The following KIRREL3 variants were observed in gnomAD, a reference collection of about 807,000 sequenced individuals.
KIRREL3 encodes kirre like nephrin family adhesion molecule 3, also known as kin of IRRE-like protein 3.
Under a neutral mutation model 89.7 loss-of-function variants are expected in KIRREL3, and 36 were observed. That is an observed-to-expected ratio of 0.40 (90% CI 0.31 to 0.53). The LOEUF (loss-of-function observed/expected upper bound fraction) is 0.53, where lower values mean the gene tolerates loss of function less well. Among genes scored for constraint, KIRREL3 ranks in the 20% least tolerant of loss-of-function variants. The probability of loss-of-function intolerance (pLI) is 0.49; values close to 1 mark genes in which losing one functional copy is unlikely to be tolerated. For missense variants in KIRREL3, 864 were observed against 1,056.6 expected, an observed-to-expected ratio of 0.82 and a Z score of 2.53; for synonymous variants, 445 against 441.4, an observed-to-expected ratio of 1.01 and a Z score of -0.10.
At chr11:126,505,325 T>G (rs1003463554) in intron 4 of KIRREL3, among the ~76,000 whole-genome samples, 2 of 152,228 alleles carry the variant, frequency 1.3e-5, no homozygotes, top group Non-Finnish European at 2.9e-5. Flanking sequence ...ATTCCAGCAC[T>G]CTGGGAGGCT....
rs972830766 is a variant in KIRREL3 at position 126,521,907 on chromosome 11, C to G, written c.284-443G>C. ...CTACAGACATGCACCACCACGTCGGCTAATTTTTTTATCTTTTGTAGAGAT... is the reference window on the plus strand; with the variant it reads ...CTACAGACATGCACCACCACGTCGGGTAATTTTTTTATCTTTTGTAGAGAT... On this transcript the variant is annotated intron_variant, in intron 3 of 16. Coordinates refer to ENST00000525144, the MANE Select transcript of KIRREL3 (RefSeq NM_032531.4). The surrounding 1 kb of genome is among the most constrained non-coding windows in gnomAD (Gnocchi z 4.1). 2.6e-5 allele frequency among the ~76,000 whole-genome samples: 4 copies of G among 152,048 alleles called. No homozygotes were observed. The highest frequency in any genetic ancestry group is 9.7e-5 in the African/African-American group (4 of 41,398).
chr11:126,881,469 C>G (rs552813224), intron 1 of KIRREL3, among the ~76,000 whole-genome samples: 1 of 152,324 alleles, frequency 6.6e-6, no homozygotes, highest in Admixed American at 6.5e-5. Context: ...TGGTCACCAA[C>G]ATAGGAAGTC....
At chr11:126,661,019 G>C (rs903119302) in intron 1 of KIRREL3, among the ~76,000 whole-genome samples, 11 of 152,158 alleles carry the variant, frequency 7.2e-5, no homozygotes, top group African/African-American at 2.7e-4. Flanking sequence ...AGAAACCACT[G>C]ATGTTTATGT....
At chr11:126,472,703 G>GGA (rs56276959) in intron 5 of KIRREL3, among the ~76,000 whole-genome samples, 1,413 of 134,164 alleles carry the variant, frequency 0.011, 18 homozygotes, top group East Asian at 0.019. Context: ...AGGACATAGA[G>GGA]GAGAGAGAGA....
rs1188570853 is a variant in KIRREL3 at position 126,917,995 on chromosome 11, C to T, written c.55+82460G>A. On this transcript the variant is annotated intron_variant, in intron 1 of 16. Transcript: ENST00000525144. The surrounding 1 kb of genome is among the most constrained non-coding windows in gnomAD (Gnocchi z 5.0). ...GACTCATCTCTCCAAGCTGGGTTTC[C>T]ATAAGACTCCACACTGATCTCTGGC... 6.6e-6 allele frequency among the ~76,000 whole-genome samples: 1 copy of T among 152,120 alleles called. No individual in the cohort carries two copies. Among genetic ancestry groups the T allele is most frequent in the Non-Finnish European group, 1.5e-5 (1 of 68,024 alleles).
intron 1 of KIRREL3, among the ~76,000 whole-genome samples, chr11:126,631,230 A>G (rs1253425384): frequency 1.3e-5 from 2 of 152,098 alleles, no homozygotes; most frequent in Admixed American, 6.5e-5. Context: ...ATTCTCACAG[A>G]TCTCTAGCAG....
Position 126,516,485 on chromosome 11 carries a change from C to T in KIRREL3, c.433+4830G>A, listed in dbSNP as rs948233122. Among the ~76,000 whole-genome samples, 5 of 152,154 alleles carry T rather than the reference C, an allele frequency of 3.3e-5. No individual in the cohort carries two copies. Among genetic ancestry groups the T allele is most frequent in the Admixed American group, 1.3e-4 (2 of 15,270 alleles). ...TTTAATCCGTGCATCACTTATCGACCGCCTTCTCTCTGCCAGAATGCAAGC... is the reference window on the plus strand; with the variant it reads ...TTTAATCCGTGCATCACTTATCGACTGCCTTCTCTCTGCCAGAATGCAAGC... On this transcript the variant is annotated intron_variant, in intron 4 of 16. Coordinates refer to ENST00000525144, the MANE Select transcript of KIRREL3 (RefSeq NM_032531.4). The surrounding 1 kb of genome is among the most constrained non-coding windows in gnomAD (Gnocchi z 4.9).
chr11:126,798,098 G>C (rs768859990), intron 1 of KIRREL3, among the ~76,000 whole-genome samples: 1 of 152,144 alleles, frequency 6.6e-6, no homozygotes, highest in Non-Finnish European at 1.5e-5. Flanking sequence ...GCCAGGTGGA[G>C]AGGAAAGATG....
chr11:126,538,608 C>CA (rs112800610), intron 2 of KIRREL3, among the ~76,000 whole-genome samples: 10,697 of 152,162 alleles, frequency 0.07, 1,153 homozygotes, highest in African/African-American at 0.23. Flanking sequence ...GTGACCTGCT[C>CA]GGGGAACAGG....
intron 1 of KIRREL3, among the ~76,000 whole-genome samples, chr11:126,971,421 A>C (rs1316108936): frequency 6.6e-6 from 1 of 152,172 alleles, no homozygotes; most frequent in African/African-American, 2.4e-5. Context: ...GAGTTGTAGA[A>C]ACCACTGGGA....
chr11:126,482,200 G>A (rs576203444), intron 4 of KIRREL3, among the ~76,000 whole-genome samples: 1 of 152,102 alleles, frequency 6.6e-6, no homozygotes, highest in African/African-American at 2.4e-5. Context: ...CATCATGCCT[G>A]GCTAATTTTT....
chr11:126,735,691 T>C (rs1488974990), intron 1 of KIRREL3, among the ~76,000 whole-genome samples: 3 of 152,236 alleles, frequency 2.0e-5, no homozygotes, highest in Non-Finnish European at 4.4e-5. Flanking sequence ...ATTATTTCCT[T>C]GTCTCTTTCT....
Position 126,795,193 on chromosome 11 carries a change from A to G in KIRREL3, c.55+205262T>C, listed in dbSNP as rs1004960219. 6.6e-5 allele frequency among the ~76,000 whole-genome samples: 10 copies of G among 152,298 alleles called. No individual in the cohort carries two copies. Among genetic ancestry groups the G allele is most frequent in the South Asian group, 2.1e-4 (1 of 4,816 alleles). ...TCATCACACATTTGGCCAAGCCCATAGAGTGTACAGCATACAGAATGAACT... is the reference window on the plus strand; with the variant it reads ...TCATCACACATTTGGCCAAGCCCATGGAGTGTACAGCATACAGAATGAACT... On this transcript the variant is annotated intron_variant, in intron 1 of 16. Transcript: ENST00000525144. The surrounding 1 kb of genome is among the most constrained non-coding windows in gnomAD (Gnocchi z 4.1).
intron 4 of KIRREL3, among the ~76,000 whole-genome samples, chr11:126,505,353 T>C (rs1022281884): frequency 6.6e-6 from 1 of 152,324 alleles, no homozygotes; most frequent in Admixed American, 6.5e-5. Context: ...GTGGATCACT[T>C]GAGGCCAGGA....
In KIRREL3 at chr11:126,891,703, T is replaced by C. The variant is rs1031739968; in HGVS notation, c.55+108752A>G. Among the ~76,000 whole-genome samples, 1 of 152,212 alleles carries C rather than the reference T, an allele frequency of 6.6e-6. No individual in the cohort carries two copies. Among genetic ancestry groups the C allele is most frequent in the African/African-American group, 2.4e-5 (1 of 41,462 alleles). The stretch of plus-strand genomic sequence containing the variant: ...CAGCTTGGCTTCTAAGATGCAGCCC[T>C]GACCGGCTGACTCAAAGGAAGTTGG... On this transcript the variant is annotated intron_variant, in intron 1 of 16. Coordinates refer to ENST00000525144, the MANE Select transcript of KIRREL3 (RefSeq NM_032531.4). This position sits in a 1 kb window ranked among gnomAD's most constrained non-coding sequence, Gnocchi z 5.1.
At position 126,627,097 on chromosome 11, in the gene KIRREL3, G is replaced by A. The variant is rs1344088843; in HGVS notation, c.56-64185C>T. 6.6e-6 allele frequency among the ~76,000 whole-genome samples: 1 copy of A among 152,138 alleles called. No individual in the cohort carries two copies. Among genetic ancestry groups the A allele is most frequent in the African/African-American group, 2.4e-5 (1 of 41,432 alleles). ...CATGTGTGTGTATGTGTGTGTGAAGGAATGAGGCAGAGCTCTATAAAGGCA... is the reference window on the plus strand; with the variant it reads ...CATGTGTGTGTATGTGTGTGTGAAGAAATGAGGCAGAGCTCTATAAAGGCA... On this transcript the variant is annotated intron_variant, in intron 1 of 16. Coordinates refer to ENST00000525144, the MANE Select transcript of KIRREL3 (RefSeq NM_032531.4). The surrounding 1 kb of genome is among the most constrained non-coding windows in gnomAD (Gnocchi z 5.0).
Position 126,485,736 on chromosome 11 carries a change from C to T in KIRREL3, c.434-12270G>A, listed in dbSNP as rs1957342970. Among the ~76,000 whole-genome samples, 1 of 152,220 alleles carries T rather than the reference C, an allele frequency of 6.6e-6. No individual in the cohort carries two copies. The highest frequency in any genetic ancestry group is 2.1e-4 in the South Asian group (1 of 4,832). ...GTTTCCACCTCTTGTTCTGCTATTA[C>T]CTTGTTCCATGCCCAGCCCTGGACT... On this transcript the variant is annotated intron_variant, in intron 4 of 16. Coordinates refer to ENST00000525144, the MANE Select transcript of KIRREL3 (RefSeq NM_032531.4). This position sits in a 1 kb window ranked among gnomAD's most constrained non-coding sequence, Gnocchi z 5.8.
In KIRREL3 at chr11:126,645,800, C is replaced by T. The variant is rs944665197; in HGVS notation, c.56-82888G>A. ...CACATTTAATTAAATGCCTACATTA[C>T]TGCTTCCTCACACACCTTATTTTAT... On this transcript the variant is annotated intron_variant, in intron 1 of 16. Coordinates refer to ENST00000525144, the MANE Select transcript of KIRREL3 (RefSeq NM_032531.4). The surrounding 1 kb of genome is among the most constrained non-coding windows in gnomAD (Gnocchi z 4.9). Among the ~76,000 whole-genome samples, 1 of 152,208 alleles carries T rather than the reference C, an allele frequency of 6.6e-6. No individual in the cohort carries two copies. The highest frequency in any genetic ancestry group is 1.9e-4 in the East Asian group (1 of 5,198).
Position 126,656,595 on chromosome 11 carries a change from C to G in KIRREL3, c.56-93683G>C, listed in dbSNP as rs1565624980. Among the ~76,000 whole-genome samples, 1 of 152,174 alleles carries G rather than the reference C, an allele frequency of 6.6e-6. No individual in the cohort carries two copies. Among genetic ancestry groups the G allele is most frequent in the East Asian group, 1.9e-4 (1 of 5,186 alleles). ...CCAGCCCCTGCACTGATTGTCTTAC[C>G]CACAGGGGCAGTTTAAATCTTCATG... On this transcript the variant is annotated intron_variant, in intron 1 of 16. Coordinates refer to ENST00000525144, the MANE Select transcript of KIRREL3 (RefSeq NM_032531.4). This position sits in a 1 kb window ranked among gnomAD's most constrained non-coding sequence, Gnocchi z 4.0.
Sources: allele counts gnomAD v4.1 joint callset (sites outside exome capture counted in the v4.1 genomes callset), GRCh38; gene constraint gnomAD v4.1.1; non-coding constraint Gnocchi (gnomAD v3.1); transcripts MANE v1.5; gene names NCBI Gene and HGNC (gene_info 2026-07-23, HGNC 2026-07-21).